Variants in KCNQ1 observed in about 807,000 individuals in gnomAD.
KCNQ1 encodes potassium voltage-gated channel subfamily KQT member 1.
In KCNQ1, 49 loss-of-function variants were observed where a neutral mutation model predicts 72.4. The observed-to-expected ratio is 0.68, with a 90% CI of 0.54 to 0.86. The LOEUF (loss-of-function observed/expected upper bound fraction) is 0.86, where lower values mean the gene tolerates loss of function less well. KCNQ1 is among the 40% of genes least tolerant of loss of function. The pLI, the probability that KCNQ1 is intolerant of heterozygous loss-of-function variation, is 0.00. For missense variants in KCNQ1, 790 were observed against 945.1 expected (o/e 0.84, Z 2.15); for synonymous variants, 450 against 412.6 (o/e 1.09, Z -1.10).
intron 6 of KCNQ1, among the ~76,000 whole-genome samples, chr11:2,583,195 G>C (rs1848529960): frequency 2.0e-5 from 3 of 152,170 alleles, no homozygotes; most frequent in Non-Finnish European, 4.4e-5. Context: ...CTTCGTGGGT[G>C]CTGGGCTCCT....
In KCNQ1 at chr11:2,764,174, G is replaced by A. The variant is rs1427892871; in HGVS notation, c.1515-4670G>A. 6.7e-6 allele frequency among the ~76,000 whole-genome samples: 1 copy of A among 150,328 alleles called. No individual in the cohort carries two copies. Among genetic ancestry groups the A allele is most frequent in the Non-Finnish European group, 1.5e-5 (1 of 67,652 alleles). On this transcript the variant is annotated intron_variant, in intron 11 of 15. Transcript: ENST00000155840. This position sits in a 1 kb window ranked among gnomAD's most constrained non-coding sequence, Gnocchi z 4.8. ...TAAGTATGATGTCTGCTTAGGGTTTGGGTTTTTTTGTTTTAGTTTTTGTCT... is the reference window on the plus strand; with the variant it reads ...TAAGTATGATGTCTGCTTAGGGTTTAGGTTTTTTTGTTTTAGTTTTTGTCT...
chr11:2,687,514 C>T lies in KCNQ1; in HGVS notation c.1514+25433C>T, dbSNP rs1236772964. 3 of 398,600 alleles carry T rather than the reference C, an allele frequency of 7.5e-6. No homozygotes were observed. Among genetic ancestry groups the T allele is most frequent in the Non-Finnish European group, 1.3e-5 (3 of 226,184 alleles). 24.7% of individuals were successfully genotyped at this position (398,600 alleles called of 1,614,324 possible). ...CAGGCACCCTAGGACTTGAGACCAG[C>T]CTCCTCTGTATGGTCCCTTCCCTGG... On this transcript the variant is annotated intron_variant, in intron 11 of 15. Coordinates refer to ENST00000155840, the MANE Select transcript of KCNQ1 (RefSeq NM_000218.3). This position sits in a 1 kb window ranked among gnomAD's most constrained non-coding sequence, Gnocchi z 5.0.
Position 2,663,542 on chromosome 11 carries a change from G to T in KCNQ1, c.1514+1461G>T. 1 of 398,646 alleles carries T rather than the reference G, an allele frequency of 2.5e-6. No homozygotes were observed. The highest frequency in any genetic ancestry group is 6.3e-4 in the Middle Eastern group (1 of 1,592). The allele number at this position is 398,646 out of a possible 1,614,324, so 24.7% of individuals were successfully genotyped here. A position where few individuals can be genotyped will look rare whatever the true frequency, so the allele number is the denominator to read the frequency against. ...TGGCTGTCCCCTCAGAGAGGGGACT[G>T]TCCCTTCTCATCCTTCTGGCTGCTT... is the stretch of plus-strand genomic sequence containing the variant. On this transcript the variant is annotated intron_variant, in intron 11 of 15. Coordinates refer to ENST00000155840, the MANE Select transcript of KCNQ1 (RefSeq NM_000218.3). The surrounding 1 kb of genome is among the most constrained non-coding windows in gnomAD (Gnocchi z 5.2).
intron 11 of KCNQ1, among the ~76,000 whole-genome samples, chr11:2,733,822 A>ACACACACC (rs1845900058): frequency 1.1e-5 from 1 of 92,426 alleles, no homozygotes; most frequent in Non-Finnish European, 2.1e-5. Flanking sequence ...ACACTCTCTC[A>ACACACACC]CTCTCTCTCT....
Position 2,750,769 on chromosome 11 carries a change from C to T in KCNQ1, c.1515-18075C>T, listed in dbSNP as rs910047055. On this transcript the variant is annotated intron_variant, in intron 11 of 15. Transcript: ENST00000155840. This position sits in a 1 kb window ranked among gnomAD's most constrained non-coding sequence, Gnocchi z 6.3. Reference sequence around the variant, plus strand: ...TGCTGGGCGAAATGGGATCCCCTGGCTCTTTCACTGAAAACACTTTTCTTG... The same window carrying T: ...TGCTGGGCGAAATGGGATCCCCTGGTTCTTTCACTGAAAACACTTTTCTTG... Among the ~76,000 whole-genome samples, 31 of 152,216 alleles carry T rather than the reference C, an allele frequency of 2.0e-4. No individual in the cohort carries two copies. Among genetic ancestry groups the T allele is most frequent in the African/African-American group, 7.2e-4 (30 of 41,448 alleles).
At chr11:2,569,721 T>A (rs76003132) in intron 2 of KCNQ1, among the ~76,000 whole-genome samples, 9,278 of 152,292 alleles carry the variant, frequency 0.061, 689 homozygotes, top group African/African-American at 0.18. Context: ...GCCGCTGCAC[T>A]TTAAGTGTCA....
Position 2,626,859 on chromosome 11 carries a change from TC to T in KCNQ1, c.1394-35100del. 2 of 398,588 alleles carry T rather than the reference TC, an allele frequency of 5.0e-6. No individual in the cohort carries two copies. Among genetic ancestry groups the T allele is most frequent in the Non-Finnish European group, 8.8e-6 (2 of 226,062 alleles). 24.7% of individuals were successfully genotyped at this position (398,588 alleles called of 1,614,324 possible). A position where few individuals can be genotyped will look rare whatever the true frequency, so the allele number is the denominator to read the frequency against. On this transcript the variant is annotated intron_variant, in intron 10 of 15. Coordinates refer to ENST00000155840, the MANE Select transcript of KCNQ1 (RefSeq NM_000218.3). The surrounding 1 kb of genome is among the most constrained non-coding windows in gnomAD (Gnocchi z 4.0). ...AAGTTTTCAAATCAGAAAGTGTGAG[TC>T]CTCCAATGTTGTTCATCATTTTCAA... is the stretch of plus-strand genomic sequence containing the variant.
intron 11 of KCNQ1, among the ~76,000 whole-genome samples, chr11:2,761,476 T>C (rs1321170834): frequency 1.3e-5 from 2 of 152,090 alleles, no homozygotes; most frequent in African/African-American, 4.8e-5. Flanking sequence ...AATGCAACAT[T>C]TGGGCAGAAA....
chr11:2,799,186 T>C (rs1277808623), intron 15 of KCNQ1, among the ~76,000 whole-genome samples: 3 of 151,740 alleles, frequency 2.0e-5, no homozygotes, highest in African/African-American at 4.8e-5. Flanking sequence ...TCAAAGTGAG[T>C]GAGAGAGCAG....
At chr11:2,765,072 G>T (rs151288) in intron 11 of KCNQ1, among the ~76,000 whole-genome samples, 3 of 151,848 alleles carry the variant, frequency 2.0e-5, no homozygotes, top group African/African-American at 7.3e-5. Context: ...TTTTTTAACC[G>T]CTTGAGATGG....
At chr11:2,489,407 C>T (rs538576234) in intron 1 of KCNQ1, among the ~76,000 whole-genome samples, 2 of 152,306 alleles carry the variant, frequency 1.3e-5, no homozygotes, top group Admixed American at 1.3e-4. Context: ...AACTGAGTTC[C>T]AGAAAACCTT....
rs1847877653 is a variant in KCNQ1 at position 2,828,229 on chromosome 11, C to G, written c.1795-19538C>G. Among the ~76,000 whole-genome samples the G allele has an allele frequency of 6.6e-6, 1 of 152,184 alleles. No homozygotes were observed. Among genetic ancestry groups the G allele is most frequent in the African/African-American group, 2.4e-5 (1 of 41,438 alleles). On this transcript the variant is annotated intron_variant, in intron 15 of 15. Coordinates refer to ENST00000155840, the MANE Select transcript of KCNQ1 (RefSeq NM_000218.3). The surrounding 1 kb of genome is among the most constrained non-coding windows in gnomAD (Gnocchi z 5.3). ...AGAAGAAAACTCTGAGAAGTCAGGA[C>G]AGGAGATGGTGTCGTCAGGGGGCTG...
rs186892750 is a variant in KCNQ1 at position 2,483,922 on chromosome 11, G to C, written c.386+38438G>C. Among the ~76,000 whole-genome samples, 4 of 152,116 alleles carry C rather than the reference G, an allele frequency of 2.6e-5. No individual in the cohort carries two copies. Among genetic ancestry groups the C allele is most frequent in the African/African-American group, 9.7e-5 (4 of 41,404 alleles). ...CTTTTTTCTCCTGAGATTTTGCCCC[G>C]CTGATTTTAGTGCCCATCAGCTGGT... is the stretch of plus-strand genomic sequence containing the variant. On this transcript the variant is annotated intron_variant, in intron 1 of 15. Transcript: ENST00000155840. The surrounding 1 kb of genome is among the most constrained non-coding windows in gnomAD (Gnocchi z 6.1).
At position 2,576,733 on chromosome 11, in the gene KCNQ1, C is replaced by T. The variant is rs190248607; in HGVS notation, c.921+3747C>T. On this transcript the variant is annotated intron_variant, in intron 6 of 15. Coordinates refer to ENST00000155840, the MANE Select transcript of KCNQ1 (RefSeq NM_000218.3). ...GGCTGGGGGCTGGTGCAGGGGTGTGCGTGAGGGCAGGGCCTCCCAGACAGT... is the reference window on the plus strand; with the variant it reads ...GGCTGGGGGCTGGTGCAGGGGTGTGTGTGAGGGCAGGGCCTCCCAGACAGT... 4.2e-3 allele frequency among the ~76,000 whole-genome samples: 644 copies of T among 152,310 alleles called. 3 individuals are homozygous for T. Among genetic ancestry groups the T allele is most frequent in the Non-Finnish European group, 6.9e-3 (469 of 68,020 alleles).
intron 10 of KCNQ1, chr11:2,646,193 A>G: frequency 2.5e-6 from 1 of 398,556 alleles, no homozygotes; most frequent in Non-Finnish European, 4.4e-6. Flanking sequence ...CCTACTTGCT[A>G]TATTTTGTGG....
At chr11:2,521,881 G>A (rs937150748) in intron 1 of KCNQ1, among the ~76,000 whole-genome samples, 2 of 152,180 alleles carry the variant, frequency 1.3e-5, no homozygotes, top group Non-Finnish European at 2.9e-5. Flanking sequence ...TAGTGTGTGC[G>A]GCAGGGCAGG....
Position 2,682,065 on chromosome 11 carries a change from G to A in KCNQ1, c.1514+19984G>A, listed in dbSNP as rs1850407822. The A allele has an allele frequency of 2.5e-6, 1 of 398,496 alleles. No homozygotes were observed. The highest frequency in any genetic ancestry group is 2.1e-5 in the African/African-American group (1 of 48,608). The allele number at this position is 398,496 out of a possible 1,614,324, so 24.7% of individuals were successfully genotyped here. ...TTTTATAGATAATCTCCTAAGGGTT[G>A]AGGGATTGAGTCTAGGGCCCAGGGT... is the stretch of plus-strand genomic sequence containing the variant. On this transcript the variant is annotated intron_variant, in intron 11 of 15. Transcript: ENST00000155840. This position sits in a 1 kb window ranked among gnomAD's most constrained non-coding sequence, Gnocchi z 5.8.
chr11:2,527,798 A>G, intron 1 of KCNQ1, 130 bp from the exon 2 acceptor site: 2 of 769,634 alleles, frequency 2.6e-6, no homozygotes, highest in Non-Finnish European at 4.6e-6. Context: ...CTAATGGATG[A>G]CTGGGTTTTC....
chr11:2,594,298 A>C (rs555881826), intron 10 of KCNQ1, among the ~76,000 whole-genome samples: 1 of 152,128 alleles, frequency 6.6e-6, no homozygotes, highest in South Asian at 2.1e-4. Flanking sequence ...AGGCTAATTG[A>C]TTTTCCTTTG....
Sources: gnomAD v4.1 joint callset for allele counts (sites outside exome capture counted in the v4.1 genomes callset) on GRCh38, gnomAD v4.1.1 for gene constraint, Gnocchi (gnomAD v3.1) non-coding constraint, MANE v1.5 for transcripts, NCBI Gene and HGNC (gene_info 2026-07-23, HGNC 2026-07-21) for gene names.